Variants in WIPF3 observed in about 807,000 individuals in gnomAD.
WIPF3 encodes WAS/WASL-interacting protein family member 3.
Under a neutral mutation model 38.9 loss-of-function variants are expected in WIPF3, and 33 were observed. The ratio of observed to expected loss-of-function variants is 0.85; its 90% CI spans 0.64 to 1.14. The LOEUF is 1.14. WIPF3 is among the 50% of genes most tolerant of loss of function. WIPF3 has a pLI of 0.00. For synonymous variants in WIPF3, 324 were observed against 269.3 expected (o/e 1.20, Z -1.99); for missense variants, 711 against 652.5 (o/e 1.09, Z -0.98).
intron 1 of WIPF3, among the ~76,000 whole-genome samples, chr7:29,824,322 C>T (rs965189217): frequency 3.3e-5 from 5 of 151,906 alleles, no homozygotes; most frequent in African/African-American, 4.8e-5. Context: ...CAAAACAAAA[C>T]GAAAATGAAA....
chr7:29,872,414 A>G (rs963748939), intron 2 of WIPF3, among the ~76,000 whole-genome samples: 2 of 152,170 alleles, frequency 1.3e-5, no homozygotes, highest in Admixed American at 6.5e-5. Flanking sequence ...TTAAGTCTAA[A>G]TATACTGTAT....
At chr7:29,875,666 T>A (rs553031550) in intron 2 of WIPF3, among the ~76,000 whole-genome samples, 164 bp from the exon 3 acceptor site, 23 of 151,906 alleles carry the variant, frequency 1.5e-4, no homozygotes, top group African/African-American at 5.3e-4. Flanking sequence ...GGAAAAGAGG[T>A]GTGAGCAGGA....
chr7:29,879,413 G>A (rs914009538), intron 4 of WIPF3, among the ~76,000 whole-genome samples: 1 of 152,216 alleles, frequency 6.6e-6, no homozygotes, highest in African/African-American at 2.4e-5. Flanking sequence ...GTGATGGCGT[G>A]ATGGTAGCCC....
intron 2 of WIPF3, among the ~76,000 whole-genome samples, chr7:29,852,513 A>G (rs1785119766): frequency 6.6e-6 from 1 of 152,222 alleles, no homozygotes; most frequent in South Asian, 2.1e-4. Flanking sequence ...CTATATTAGG[A>G]CATATTATTC....
intron 2 of WIPF3, among the ~76,000 whole-genome samples, chr7:29,853,585 G>A (rs1785140318): frequency 6.6e-6 from 1 of 152,186 alleles, no homozygotes; most frequent in Admixed American, 6.5e-5. Flanking sequence ...CTCACACAGG[G>A]GCCCTGCATG....
chr7:29,808,595 C>T (rs1784323723), intron 1 of WIPF3, among the ~76,000 whole-genome samples: 1 of 152,096 alleles, frequency 6.6e-6, no homozygotes, highest in Admixed American at 6.5e-5. Flanking sequence ...CCATTGCCCC[C>T]TTTTTGTTCC....
At chr7:29,815,990 C>G (rs1784449543) in intron 1 of WIPF3, among the ~76,000 whole-genome samples, 1 of 152,174 alleles carries the variant, frequency 6.6e-6, no homozygotes, top group Non-Finnish European at 1.5e-5. Context: ...GCAGCTGCTC[C>G]TTTAGACCAA....
chr7:29,857,268 A>T (rs1377682568), intron 2 of WIPF3, among the ~76,000 whole-genome samples: 1 of 152,080 alleles, frequency 6.6e-6, no homozygotes, highest in Non-Finnish European at 1.5e-5. Flanking sequence ...CTCCCCCATA[A>T]TCTGGCATTT....
At chr7:29,834,039 AC>A (rs1784761191) in intron 1 of WIPF3, among the ~76,000 whole-genome samples, 1 of 152,212 alleles carries the variant, frequency 6.6e-6, no homozygotes, top group African/African-American at 2.4e-5. Flanking sequence ...CATAGCAAAT[AC>A]CAGATAGAAA....
chr7:29,906,514 T>C (rs1196559154), intron 8 of WIPF3, among the ~76,000 whole-genome samples: 1 of 151,864 alleles, frequency 6.6e-6, no homozygotes, highest in Non-Finnish European at 1.5e-5. Flanking sequence ...AAATTAAAAG[T>C]GAACAAAGCC....
intron 2 of WIPF3, among the ~76,000 whole-genome samples, chr7:29,846,578 G>A (rs1785004886): frequency 6.6e-6 from 1 of 152,208 alleles, no homozygotes; most frequent in Non-Finnish European, 1.5e-5. Flanking sequence ...GCGTGCGCCT[G>A]TAATCCCAGC....
At chr7:29,810,280 C>T (rs973192719) in intron 1 of WIPF3, among the ~76,000 whole-genome samples, 3 of 152,192 alleles carry the variant, frequency 2.0e-5, no homozygotes, top group Admixed American at 6.5e-5. Context: ...TTTATCAACC[C>T]ACTCATAACC....
chr7:29,899,193 C>T (rs562261583), intron 7 of WIPF3, among the ~76,000 whole-genome samples: 1 of 152,254 alleles, frequency 6.6e-6, no homozygotes, highest in South Asian at 2.1e-4. Context: ...TTGCACCTAA[C>T]GACCTGCCAA....
At chr7:29,908,902 C>T (rs1021148584) in intron 8 of WIPF3, among the ~76,000 whole-genome samples, 5 of 140,370 alleles carry the variant, frequency 3.6e-5, no homozygotes, top group Non-Finnish European at 6.2e-5. Context: ...GAGTGAAACT[C>T]CATCTCAAAA....
chr7:29,862,830 C>T (rs999746378), intron 2 of WIPF3, among the ~76,000 whole-genome samples: 2 of 152,126 alleles, frequency 1.3e-5, no homozygotes, highest in African/African-American at 2.4e-5. Context: ...TCCCCACCTT[C>T]CTCCTTATTT....
intron 1 of WIPF3, among the ~76,000 whole-genome samples, chr7:29,807,227 G>A (rs966392527): frequency 6.6e-6 from 1 of 152,144 alleles, no homozygotes; most frequent in Non-Finnish European, 1.5e-5. Flanking sequence ...CCAGAGATGT[G>A]AAGTGACTTG....
At chr7:29,914,430 G>A in intron 8 of WIPF3, 63 bp from the exon 9 acceptor site, 2 of 1,343,016 alleles carry the variant, frequency 1.5e-6, no homozygotes, top group Non-Finnish European at 2.0e-6. Context: ...GGTGGAGGAG[G>A]AAGGCTTTCA....
intron 1 of WIPF3, among the ~76,000 whole-genome samples, chr7:29,833,899 A>G (rs1305334139): frequency 1.3e-5 from 2 of 152,236 alleles, no homozygotes; most frequent in Non-Finnish European, 2.9e-5. Context: ...GTTCTAAGAC[A>G]CATGCCCACA....
intron 8 of WIPF3, among the ~76,000 whole-genome samples, chr7:29,907,159 T>A (rs376157071): frequency 3.4e-4 from 52 of 152,356 alleles, no homozygotes; most frequent in Admixed American, 3.9e-4. Flanking sequence ...GTAACTATAC[T>A]TTTTGTTTTC....
Sources: gnomAD v4.1 joint callset for allele counts (sites outside exome capture counted in the v4.1 genomes callset) on GRCh38, gnomAD v4.1.1 for gene constraint, MANE v1.5 for transcripts, NCBI Gene and HGNC (gene_info 2026-07-23, HGNC 2026-07-21) for gene names.